The following PPM1L variants were observed in gnomAD, a reference collection of about 807,000 sequenced individuals.
The protein encoded by PPM1L is protein phosphatase, Mg2+/Mn2+ dependent 1L.
PPM1L carries 13 observed loss-of-function variants against 31.4 expected under a neutral mutation model. The observed-to-expected ratio is 0.41, with a 90% CI of 0.27 to 0.66. The LOEUF (loss-of-function observed/expected upper bound fraction) is 0.66, where lower values mean the gene tolerates loss of function less well. Ranked by LOEUF, PPM1L falls within the 30% of genes least tolerant of loss-of-function variation. The pLI is 0.29. For missense variants in PPM1L, 326 were observed against 453.7 expected (o/e 0.72, Z 2.56); for synonymous variants, 184 against 175.4 (o/e 1.05, Z -0.39).
chr3:160,766,605 A>G (rs1206106645), intron 1 of PPM1L, among the ~76,000 whole-genome samples: 2 of 152,168 alleles, frequency 1.3e-5, no homozygotes, highest in African/African-American at 2.4e-5. Flanking sequence ...CTGTGAGTCA[A>G]TTAAGTCTCT....
chr3:160,900,390 A>G (rs1213056872), intron 1 of PPM1L, among the ~76,000 whole-genome samples: 1 of 151,930 alleles, frequency 6.6e-6, no homozygotes, highest in South Asian at 2.1e-4. Flanking sequence ...TTGATTTTTT[A>G]AAAATGCTTT....
At chr3:160,793,072 A>T (rs1200901375) in intron 1 of PPM1L, among the ~76,000 whole-genome samples, 1 of 152,096 alleles carries the variant, frequency 6.6e-6, no homozygotes, top group Non-Finnish European at 1.5e-5. Flanking sequence ...ATGACTTTTG[A>T]TGTTAACCTT....
chr3:160,842,655 T>A (rs1318467999), intron 1 of PPM1L, among the ~76,000 whole-genome samples: 1 of 152,164 alleles, frequency 6.6e-6, no homozygotes, highest in Non-Finnish European at 1.5e-5. Context: ...CTTCTCTCAT[T>A]TAAGGCTTGT....
chr3:160,814,858 T>C (rs985611622), intron 1 of PPM1L, among the ~76,000 whole-genome samples: 9 of 151,902 alleles, frequency 5.9e-5, no homozygotes, highest in South Asian at 4.1e-4. Context: ...CACAGCAACT[T>C]GGATGGAGTT....
intron 1 of PPM1L, among the ~76,000 whole-genome samples, chr3:160,823,587 A>G (rs1713270757): frequency 6.6e-6 from 1 of 152,058 alleles, no homozygotes; most frequent in Non-Finnish European, 1.5e-5. Context: ...TTCATTTTCC[A>G]TATTTATCAT....
intron 1 of PPM1L, among the ~76,000 whole-genome samples, chr3:160,808,423 G>GTGT (rs1417044344): frequency 6.9e-6 from 1 of 145,734 alleles, no homozygotes; most frequent in Admixed American, 6.9e-5. Context: ...GTGTGTGTGT[G>GTGT]GTGGGTGAGG....
rs926034888 is a variant in PPM1L at position 161,069,149 on chromosome 3, G to A, written c.1075G>A (p.Glu359Lys). 4.3e-6 allele frequency: 7 copies of A among 1,612,790 alleles called. No homozygotes were observed. The highest frequency in any genetic ancestry group is 5.9e-6 in the Non-Finnish European group (7 of 1,179,380). Residue 359 changes from glutamate to lysine, a missense_variant, in exon 4 of 4, where the codon GAG (glutamate) becomes AAG (lysine). Glu to Lys is a moderately conservative substitution (Grantham distance 56). Coordinates refer to ENST00000498165, the MANE Select transcript of PPM1L (RefSeq NM_139245.4). ...GTTCAGAAATAGCAGCAAAACAGAA[G>A]AGCAGTGAACCCTTCAGGGGTCTCA... ...VKFRNSSKTE[E>K]Q
chr3:160,915,640 T>C (rs1714143557), intron 1 of PPM1L, among the ~76,000 whole-genome samples: 1 of 152,152 alleles, frequency 6.6e-6, no homozygotes, highest in South Asian at 2.1e-4. Flanking sequence ...GGGGGCATCA[T>C]GCTACCTGAC....
intron 2 of PPM1L, among the ~76,000 whole-genome samples, chr3:160,968,597 G>A (rs2108114180): frequency 6.6e-6 from 1 of 152,280 alleles, no homozygotes. Flanking sequence ...GTTTGGGCAT[G>A]AATAAATATT....
chr3:160,869,679 A>G (rs1373250276), intron 1 of PPM1L, among the ~76,000 whole-genome samples: 1 of 152,046 alleles, frequency 6.6e-6, no homozygotes, highest in Non-Finnish European at 1.5e-5. Flanking sequence ...AATGGAATAG[A>G]ATAACAATCT....
Position 161,077,398 on chromosome 3 carries a change from A to T in PPM1L, c.*8241A>T, listed in dbSNP as rs192214321. The T allele has an allele frequency of 2.0e-5, 3 of 152,264 alleles. No homozygotes were observed. Among genetic ancestry groups the T allele is most frequent in the African/African-American group, 7.2e-5 (3 of 41,414 alleles). The allele number at this position is 152,264 out of a possible 1,614,324, so 9.4% of individuals were successfully genotyped here. On this transcript the variant is annotated 3_prime_UTR_variant, in exon 4 of 4. Transcript: ENST00000498165. Reference sequence around the variant, plus strand: ...GTGGAGGGTGCCACTGGAAGCCTCCACCCAAGTGGGCCAGCAGCTGTGCAA... The same window carrying T: ...GTGGAGGGTGCCACTGGAAGCCTCCTCCCAAGTGGGCCAGCAGCTGTGCAA...
chr3:160,901,746 G>T (rs926657848), intron 1 of PPM1L, among the ~76,000 whole-genome samples: 18 of 152,080 alleles, frequency 1.2e-4, no homozygotes, highest in Non-Finnish European at 2.1e-4. Context: ...TCATGTTTGG[G>T]TCTAGTATTT....
chr3:161,072,573 A>G lies in PPM1L; in HGVS notation c.*3416A>G, dbSNP rs1719961124. ...GAAGTGATTCTAGGAAATTGATTCC[A>G]CTGTTGGATTCTAGGAAATTGAGTC... is the stretch of plus-strand genomic sequence containing the variant. On this transcript the variant is annotated 3_prime_UTR_variant, in exon 4 of 4. Transcript: ENST00000498165. 6.6e-6 allele frequency: 1 copy of G among 152,210 alleles called. No individual in the cohort carries two copies. The highest frequency in any genetic ancestry group is 2.1e-4 in the South Asian group (1 of 4,832). The allele number at this position is 152,210 out of a possible 1,614,324, so 9.4% of individuals were successfully genotyped here. A position where few individuals can be genotyped will look rare whatever the true frequency, so the allele number is the denominator to read the frequency against.
At chr3:160,947,025 AG>A (rs1201829926) in intron 1 of PPM1L, among the ~76,000 whole-genome samples, 1 of 152,206 alleles carries the variant, frequency 6.6e-6, no homozygotes, top group Non-Finnish European at 1.5e-5. Context: ...GAAATGTGAA[AG>A]GAGAGTTGCC....
At chr3:160,816,721 A>G (rs1481480159) in intron 1 of PPM1L, among the ~76,000 whole-genome samples, 1 of 152,096 alleles carries the variant, frequency 6.6e-6, no homozygotes, top group African/African-American at 2.4e-5. Context: ...TGCTACTTCT[A>G]TATTCCTGAA....
At chr3:160,839,305 C>T (rs1713801015) in intron 1 of PPM1L, among the ~76,000 whole-genome samples, 1 of 152,178 alleles carries the variant, frequency 6.6e-6, no homozygotes, top group Admixed American at 6.5e-5. Flanking sequence ...AAATAGCCAA[C>T]CTTTCTAGTA....
chr3:161,019,092 T>G lies in PPM1L; in HGVS notation c.575-46311T>G, dbSNP rs532143323. Among the ~76,000 whole-genome samples, 58 of 152,334 alleles carry G rather than the reference T, an allele frequency of 3.8e-4. 1 individual carries two copies. In the South Asian group the frequency reaches 0.01, roughly 27 times the overall value. On this transcript the variant is annotated intron_variant, in intron 2 of 3. Transcript: ENST00000498165. ...ACATTGAACTAGAGGATAAGATTAT[T>G]TGATTAATTTGGTTAATTATTTTAG...
At chr3:160,927,069 T>C (rs1434061181) in intron 1 of PPM1L, among the ~76,000 whole-genome samples, 1 of 152,178 alleles carries the variant, frequency 6.6e-6, no homozygotes, top group Admixed American at 6.5e-5. Flanking sequence ...ATTGTGTAAA[T>C]AGAAGCTCTG....
chr3:161,025,857 C>G (rs1165621146), intron 2 of PPM1L, among the ~76,000 whole-genome samples: 5 of 151,998 alleles, frequency 3.3e-5, no homozygotes, highest in Admixed American at 6.6e-5. Context: ...TATTTTGATT[C>G]ACTAGGAAAT....
Sources: gnomAD v4.1 joint callset for allele counts (sites outside exome capture counted in the v4.1 genomes callset) on GRCh38, gnomAD v4.1.1 for gene constraint, MANE v1.5 for transcripts, NCBI Gene and HGNC (gene_info 2026-07-23, HGNC 2026-07-21) for gene names.